The following UBE2L3 variants were observed in gnomAD, a reference collection of about 807,000 sequenced individuals.
The protein encoded by UBE2L3 is ubiquitin conjugating enzyme E2 L3.
UBE2L3 carries 1 observed loss-of-function variant against 17.8 expected under a neutral mutation model. That is an observed-to-expected ratio of 0.06 (90% CI 0.02 to 0.27). The LOEUF (loss-of-function observed/expected upper bound fraction) is 0.27, where lower values mean the gene tolerates loss of function less well. UBE2L3 is among the 10% of genes least tolerant of loss of function. The probability of loss-of-function intolerance (pLI) is 1.00; values close to 1 mark genes in which losing one functional copy is unlikely to be tolerated. For synonymous variants in UBE2L3, 44 were observed against 68.5 expected, an observed-to-expected ratio of 0.64 and a Z score of 1.76; for missense variants, 40 against 192.6, an observed-to-expected ratio of 0.21 and a Z score of 4.69.
At chr22:21,611,986 G>A (rs1929505557) in intron 3 of UBE2L3, among the ~76,000 whole-genome samples, 1 of 152,100 alleles carries the variant, frequency 6.6e-6, no homozygotes, top group Admixed American at 6.6e-5. Flanking sequence ...CTTACCAGGT[G>A]CACGCAAAGT....
At chr22:21,581,470 G>A (rs1927634441) in intron 1 of UBE2L3, among the ~76,000 whole-genome samples, 1 of 152,070 alleles carries the variant, frequency 6.6e-6, no homozygotes, top group African/African-American at 2.4e-5. Flanking sequence ...GATTATAGGT[G>A]TGAGCCACTG....
upstream of UBE2L3, chr22:21,567,570 G>T: frequency 7.1e-7 from 1 of 1,401,164 alleles, no homozygotes; most frequent in Non-Finnish European, 9.5e-7. Flanking sequence ...CAGTCTGTGC[G>T]GTTCACTTGC....
In UBE2L3 at chr22:21,622,984, A is replaced by G. The variant is rs1213602811; in HGVS notation, c.*1315A>G. 1.3e-5 allele frequency: 2 copies of G among 152,452 alleles called. No homozygotes were observed. Among genetic ancestry groups the G allele is most frequent in the African/African-American group, 4.8e-5 (2 of 41,432 alleles). 9.4% of individuals were successfully genotyped at this position (152,452 alleles called of 1,614,324 possible). A position where few individuals can be genotyped will look rare whatever the true frequency, so the allele number is the denominator to read the frequency against. On this transcript the variant is annotated 3_prime_UTR_variant, in exon 4 of 4. Coordinates refer to ENST00000342192, the MANE Select transcript of UBE2L3 (RefSeq NM_003347.4). The stretch of plus-strand genomic sequence containing the variant: ...GAATATTAATGTCTTTTCAAGGCAA[A>G]TGGGATTGTCCCCGCACTAGTAGAG...
intron 1 of UBE2L3, among the ~76,000 whole-genome samples, chr22:21,581,766 C>T (rs374855704): frequency 1.8e-4 from 27 of 150,534 alleles, no homozygotes; most frequent in African/African-American, 6.6e-4. Context: ...CACAACATTG[C>T]ACTCCAACCT....
intron 2 of UBE2L3, among the ~76,000 whole-genome samples, chr22:21,602,313 C>T (rs1407534389): frequency 6.6e-6 from 1 of 152,182 alleles, no homozygotes; most frequent in Non-Finnish European, 1.5e-5. Context: ...AGCCATGAGT[C>T]CTGTCTGTGG....
upstream of UBE2L3, among the ~76,000 whole-genome samples, chr22:21,566,980 C>T (rs149922741): frequency 5.3e-5 from 8 of 152,056 alleles, no homozygotes; most frequent in South Asian, 2.1e-4. Context: ...TTAATGCTAA[C>T]GTATCCCAGA....
rs1929443230 is a variant in UBE2L3, at chr22:21,611,005, G to A, written c.272G>A (p.Ser91Asn). The A allele has an allele frequency of 6.2e-7, 1 of 1,610,814 alleles. No individual in the cohort carries two copies. Among genetic ancestry groups the A allele is most frequent in the Non-Finnish European group, 8.5e-7 (1 of 1,179,042 alleles). The change falls in exon 3 of 4, where the codon AGT becomes AAT. Residue 91 changes from serine (S) to asparagine (N), a missense_variant. Ser to Asn is a conservative substitution (Grantham distance 46, BLOSUM62 1). Coordinates refer to ENST00000342192, the MANE Select transcript of UBE2L3 (RefSeq NM_003347.4). ...EKGQVCLPVI[S>N]AENWKPATKT... ...GGGCAGGTCTGTCTGCCAGTAATTA[G>A]TGCCGAAAACTGGAAGCCAGCAACC...
At chr22:21,578,068 C>G (rs890645498) in intron 1 of UBE2L3, among the ~76,000 whole-genome samples, 1 of 151,992 alleles carries the variant, frequency 6.6e-6, no homozygotes, top group African/African-American at 2.4e-5. Flanking sequence ...TCATTAAGAA[C>G]AGTCAGCGGC....
intron 3 of UBE2L3, chr22:21,614,593 C>A (rs768103178): frequency 1.5e-6 from 2 of 1,367,548 alleles, no homozygotes; most frequent in Non-Finnish European, 2.0e-6. Context: ...TCTCTCAGAT[C>A]CAGCCTTGAA....
chr22:21,598,210 T>TGTGTGTGTGTGTGTGTGTGTGTG (rs1555885647), intron 2 of UBE2L3, among the ~76,000 whole-genome samples: 5 of 152,000 alleles, frequency 3.3e-5, no homozygotes, highest in African/African-American at 4.8e-5. Context: ...TGTGTGTGTG[T>TGTGTGTGTGTGTGTGTGTGTGTG]TTTTCATTTA....
intron 1 of UBE2L3, among the ~76,000 whole-genome samples, chr22:21,580,048 T>C (rs1437644122): frequency 6.6e-6 from 1 of 152,192 alleles, no homozygotes; most frequent in Non-Finnish European, 1.5e-5. Flanking sequence ...CTGAATATGT[T>C]CATGTTTTTG....
chr22:21,603,297 G>A (rs912978615), intron 2 of UBE2L3, among the ~76,000 whole-genome samples: 2 of 152,054 alleles, frequency 1.3e-5, no homozygotes, highest in Non-Finnish European at 2.9e-5. Context: ...GAAGGCCGAG[G>A]CAGGCGGATC....
chr22:21,557,654 C>T (rs367683941), intron 1 of UBE2L3, among the ~76,000 whole-genome samples: 2 of 152,200 alleles, frequency 1.3e-5, no homozygotes, highest in South Asian at 4.1e-4. Flanking sequence ...TCCCGAGTAG[C>T]TGGGAATACA....
chr22:21,582,545 G>A lies in UBE2L3; in HGVS notation c.28-10316G>A, dbSNP rs1183350967. Among the ~76,000 whole-genome samples, 3 of 151,448 alleles carry A rather than the reference G, an allele frequency of 2.0e-5. No homozygotes were observed. The East Asian group carries it at 5.8e-4, about 29-fold the overall frequency. On this transcript the variant is annotated intron_variant, in intron 1 of 3. Coordinates refer to ENST00000342192, the MANE Select transcript of UBE2L3 (RefSeq NM_003347.4). ...ATTTTTGTAGTTTTTTGTTTTTTGA[G>A]CCGGAGTTTCACTATTGTTGCCCAG...
intron 1 of UBE2L3, among the ~76,000 whole-genome samples, chr22:21,575,333 C>T (rs1219304840): frequency 6.7e-6 from 1 of 148,822 alleles, no homozygotes; most frequent in Non-Finnish European, 1.5e-5. Flanking sequence ...ATATCCGAAT[C>T]CCAGCACTTT....
chr22:21,576,017 T>C (rs1353398907), intron 1 of UBE2L3, among the ~76,000 whole-genome samples: 1 of 152,124 alleles, frequency 6.6e-6, no homozygotes, highest in African/African-American at 2.4e-5. Context: ...ACATCCAGTG[T>C]AGTGTGACAG....
chr22:21,568,119 C>T (rs1457544897), intron 1 of UBE2L3: 13 of 1,061,212 alleles, frequency 1.2e-5, no homozygotes, highest in East Asian at 6.7e-5. Context: ...GGCTCCAAAC[C>T]GGGCGCCTTC....
chr22:21,557,467 G>A (rs565774780), intron 1 of UBE2L3, among the ~76,000 whole-genome samples: 2 of 152,260 alleles, frequency 1.3e-5, no homozygotes, highest in African/African-American at 4.8e-5. Flanking sequence ...TTGGGAGGAG[G>A]TATGCAGGAA....
rs368989867 is a variant in UBE2L3 at position 21,599,096 on chromosome 22, A to G, written c.123+6140A>G. Among the ~76,000 whole-genome samples, 6 of 152,134 alleles carry G rather than the reference A, an allele frequency of 3.9e-5. No individual in the cohort carries two copies. The East Asian group carries it at 1.2e-3, about 29-fold the overall frequency. The stretch of plus-strand genomic sequence containing the variant: ...GCCTCTTTCACCTTTTTGCAGTTAC[A>G]TTTGTAGTTAGACCTCTCACCTTCT... On this transcript the variant is annotated intron_variant, in intron 2 of 3. Coordinates refer to ENST00000342192, the MANE Select transcript of UBE2L3 (RefSeq NM_003347.4).
Sources: gnomAD v4.1 joint callset for allele counts (sites outside exome capture counted in the v4.1 genomes callset) on GRCh38, gnomAD v4.1.1 for gene constraint, MANE v1.5 for transcripts, NCBI Gene and HGNC (gene_info 2026-07-23, HGNC 2026-07-21) for gene names.